ZBTB43: variants seen among roughly 807,000 people sequenced by gnomAD.
ZBTB43 encodes zinc finger and BTB domain containing 43.
A neutral mutation model predicts 31.1 loss-of-function variants in ZBTB43; 6 were observed. The ratio of observed to expected loss-of-function variants is 0.19; its 90% CI spans 0.11 to 0.38. The LOEUF (loss-of-function observed/expected upper bound fraction) is 0.38. Among genes scored for constraint, ZBTB43 ranks in the 10% least tolerant of loss-of-function variants. The probability of loss-of-function intolerance (pLI) is 1.00; values close to 1 mark genes in which losing one functional copy is unlikely to be tolerated. For synonymous variants in ZBTB43, 212 were observed against 221.7 expected, an observed-to-expected ratio of 0.96 and a Z score of 0.39; for missense variants, 379 against 602.1, an observed-to-expected ratio of 0.63 and a Z score of 3.88.
chr9:126,830,219 G>GA (rs1244375243), intron 2 of ZBTB43, among the ~76,000 whole-genome samples: 1 of 152,124 alleles, frequency 6.6e-6, no homozygotes, highest in Non-Finnish European at 1.5e-5. Context: ...GATTAAGTGG[G>GA]AAAAAAGGTA....
intron 1 of ZBTB43, among the ~76,000 whole-genome samples, chr9:126,806,443 A>G (rs1383522545): frequency 1.3e-5 from 2 of 152,238 alleles, no homozygotes; most frequent in Non-Finnish European, 2.9e-5. Context: ...GAATAAACCA[A>G]TTAAGAGACG....
chr9:126,819,437 A>G (rs1021537285), intron 2 of ZBTB43, among the ~76,000 whole-genome samples: 4 of 152,004 alleles, frequency 2.6e-5, no homozygotes, highest in East Asian at 1.9e-4. Context: ...CATTATTATT[A>G]TATCTGTTAT....
intron 2 of ZBTB43, among the ~76,000 whole-genome samples, chr9:126,813,860 T>C (rs2032303578): frequency 6.6e-6 from 1 of 152,210 alleles, no homozygotes; most frequent in Non-Finnish European, 1.5e-5. Flanking sequence ...CTCTACTTTT[T>C]ACATTTCTAG....
At chr9:126,818,964 A>C (rs1447482891) in intron 2 of ZBTB43, among the ~76,000 whole-genome samples, 1 of 152,172 alleles carries the variant, frequency 6.6e-6, no homozygotes, top group African/African-American at 2.4e-5. Flanking sequence ...GTTTGTTAGA[A>C]TTTACCAGTG....
intron 2 of ZBTB43, among the ~76,000 whole-genome samples, chr9:126,815,230 CAATATATAAAACTAT>C: frequency 2.1e-5 from 1 of 48,214 alleles, no homozygotes; most frequent in East Asian, 2.3e-3. Flanking sequence ...ATATAGTTTT[CAATATATAAAACTAT>C]ATATATATAG....
intron 2 of ZBTB43, among the ~76,000 whole-genome samples, chr9:126,830,315 T>C (rs995633550): frequency 1.2e-4 from 19 of 152,210 alleles, no homozygotes; most frequent in African/African-American, 4.3e-4. Flanking sequence ...TGACTTTCAG[T>C]CTTTGTCTGG....
rs947223090 is a variant in ZBTB43, at chr9:126,817,411, G to A, written c.-24+8496G>A. On this transcript the variant is annotated intron_variant, in intron 2 of 2. Coordinates refer to ENST00000373464, the MANE Select transcript of ZBTB43 (RefSeq NM_014007.4). ...CAGGCATGAGCCACCATGCCCGGCT[G>A]GACTGTGACATTTCTTGATTGTCTT... is the stretch of plus-strand genomic sequence containing the variant. Among the ~76,000 whole-genome samples the A allele has an allele frequency of 6.0e-5, 9 of 148,874 alleles. No homozygotes were observed. The East Asian group carries it at 6.1e-4, about 10-fold the overall frequency.
chr9:126,832,956 T>G lies in ZBTB43; in HGVS notation c.447T>G (p.Asn149Lys). The change falls in exon 3 of 3, where the codon AAT becomes AAG. Residue 149 changes from asparagine (N) to lysine (K), a missense_variant. By Grantham distance (94) the Asn-to-Lys change is moderately conservative. This residue lies in a region of ZBTB43 where 253 missense variants were observed against 322.3 expected (regional missense o/e 0.79). Transcript: ENST00000373464. ...AGTCACCAAGCAGCAGTAGTTATAA[T>G]GGCCTGGTAGAGAGCTTTGAGCTGG... ...DHQSPSSSSY[N>K]GLVESFELGS... is the part of the protein sequence containing the mutation. The G allele has an allele frequency of 6.2e-7, 1 of 1,613,802 alleles. No individual in the cohort carries two copies. Among genetic ancestry groups the G allele is most frequent in the South Asian group, 1.1e-5 (1 of 91,072 alleles).
chr9:126,812,463 T>C (rs1305399090), intron 2 of ZBTB43, among the ~76,000 whole-genome samples: 4 of 152,224 alleles, frequency 2.6e-5, no homozygotes, highest in Non-Finnish European at 1.5e-5. Flanking sequence ...GTGGTAACTC[T>C]ATGTTTAACT....
At chr9:126,809,927 C>G (rs1358896115) in intron 2 of ZBTB43, among the ~76,000 whole-genome samples, 1 of 151,838 alleles carries the variant, frequency 6.6e-6, no homozygotes, top group Non-Finnish European at 1.5e-5. Flanking sequence ...GCTCCACCTC[C>G]CAGGCTCAAG....
chr9:126,826,527 A>T (rs1376449313), intron 2 of ZBTB43, among the ~76,000 whole-genome samples: 1 of 124,718 alleles, frequency 8.0e-6, no homozygotes, highest in Non-Finnish European at 1.6e-5. Context: ...GCAGTGGCAC[A>T]TTCTCAGCTC....
intron 1 of ZBTB43, 49 bp from the exon 2 acceptor site, chr9:126,808,744 C>G (rs538706133): frequency 6.6e-6 from 1 of 152,182 alleles, no homozygotes; most frequent in African/African-American, 2.4e-5. Context: ...AGCAAATACA[C>G]GTGTACATAG....
intron 2 of ZBTB43, among the ~76,000 whole-genome samples, chr9:126,824,291 C>T (rs922763454): frequency 6.6e-6 from 1 of 152,230 alleles, no homozygotes; most frequent in Non-Finnish European, 1.5e-5. Context: ...TTCCAAAGTG[C>T]TGGGATTATA....
At chr9:126,817,025 G>A (rs779983191) in intron 2 of ZBTB43, among the ~76,000 whole-genome samples, 8 of 150,076 alleles carry the variant, frequency 5.3e-5, no homozygotes, top group East Asian at 2.0e-4. Context: ...TACTGATCCC[G>A]TCAGAATTGC....
chr9:126,831,812 A>C (rs1212310339), intron 2 of ZBTB43: 1 of 151,744 alleles, frequency 6.6e-6, no homozygotes, highest in East Asian at 1.9e-4. Flanking sequence ...AAAAAAATTA[A>C]CCAGGTGTAG....
chr9:126,819,592 C>CCTCTGTTCA (rs1204381359), intron 2 of ZBTB43, among the ~76,000 whole-genome samples: 2 of 151,738 alleles, frequency 1.3e-5, no homozygotes, highest in Non-Finnish European at 2.9e-5. Context: ...CATCTTTCCC[C>CCTCTGTTCA]CTCTGTTCAG....
At chr9:126,804,229 G>A (rs1246530179), upstream of ZBTB43, among the ~76,000 whole-genome samples, 11 of 152,168 alleles carry the variant, frequency 7.2e-5, no homozygotes, top group Non-Finnish European at 1.6e-4. Context: ...GGGAGTGGGA[G>A]AATTGGAGGC....
intron 2 of ZBTB43, among the ~76,000 whole-genome samples, chr9:126,826,622 C>T (rs934692260): frequency 6.6e-6 from 1 of 151,852 alleles, no homozygotes; most frequent in East Asian, 1.9e-4. Flanking sequence ...CGCCACCACG[C>T]CTGGCTAATT....
intron 1 of ZBTB43, among the ~76,000 whole-genome samples, chr9:126,808,348 T>G (rs7023323): frequency 2.6e-5 from 4 of 152,154 alleles, no homozygotes; most frequent in African/African-American, 9.7e-5. Flanking sequence ...CTTGTTTTTT[T>G]AAAAAACATC....
Sources: allele counts gnomAD v4.1 joint callset (sites outside exome capture counted in the v4.1 genomes callset), GRCh38; gene constraint gnomAD v4.1.1; regional missense constraint gnomAD v4.1.1; transcripts MANE v1.5; gene names NCBI Gene and HGNC (gene_info 2026-07-23, HGNC 2026-07-21).